The following TCP11 variants were observed in gnomAD, a reference collection of about 807,000 sequenced individuals.
TCP11 encodes the protein T-complex protein 11 homolog.
TCP11 carries 34 observed loss-of-function variants against 45.0 expected under a neutral mutation model. That is an observed-to-expected ratio of 0.76 (90% CI 0.57 to 1.01). The LOEUF (loss-of-function observed/expected upper bound fraction) is 1.01, where lower values mean the gene tolerates loss of function less well. Among genes scored for constraint, TCP11 ranks in the 50% least tolerant of loss-of-function variants. The pLI, the probability that TCP11 is intolerant of heterozygous loss-of-function variation, is 0.00. For synonymous variants in TCP11, 227 were observed against 227.0 expected (o/e 1.00, Z 0.00); for missense variants, 523 against 598.1 (o/e 0.87, Z 1.31).
At position 35,118,519 on chromosome 6, in the gene TCP11, C is replaced by T. The variant is rs956877945; in HGVS notation, c.1280-18G>A. ...CCGCTGATCTGTGAGCAGGAAAAGA[C>T]ACTGATAAGGGAAAAGGCAAACAGA... is the stretch of plus-strand genomic sequence containing the variant. On this transcript the variant is annotated intron_variant, in intron 9 of 9. Transcript: ENST00000311875. 4 of 1,608,288 alleles carry T rather than the reference C, an allele frequency of 2.5e-6. No individual in the cohort carries two copies. The highest frequency in any genetic ancestry group is 3.4e-6 in the Non-Finnish European group (4 of 1,176,438).
rs755782847 is a variant in TCP11, at chr6:35,140,789, G to T, written c.82C>A (p.Pro28Thr). The change falls in exon 2 of 10, where the codon CCC becomes ACC. Residue 28 changes from proline to threonine, a missense_variant. Physicochemically the swap from Pro to Thr is conservative, Grantham distance 38 (BLOSUM62 -1). This residue lies in a region of TCP11 where 225 missense variants were observed against 210.2 expected (regional missense o/e 1.07). Transcript: ENST00000311875. ...GRSCKPETSG[P>T]PQEDKSGSED... ...GAGCCGCTCTTGTCTTCCTGGGGGG[G>T]TCCTGAGGTTTCGGGCTTACAGGAC... is the stretch of plus-strand genomic sequence containing the variant. 7 of 1,535,458 alleles carry T rather than the reference G, an allele frequency of 4.6e-6. No individual in the cohort carries two copies. The highest frequency in any genetic ancestry group is 2.3e-5 in the East Asian group (1 of 44,334).
rs1778941962 is a variant in TCP11, at chr6:35,119,080, A to G, written c.1279+148T>C. ...ACAGTTAGTCTTTAAACTGAGACGG[A>G]TATGATTTCAACCCAGCATTTTGAA... On this transcript the variant is annotated intron_variant, in intron 9 of 9. Transcript: ENST00000311875. 3 of 1,020,150 alleles carry G rather than the reference A, an allele frequency of 2.9e-6. No individual in the cohort carries two copies. The Admixed American group carries it at 6.8e-5, about 23-fold the overall frequency. 63.2% of individuals were successfully genotyped at this position (1,020,150 alleles called of 1,614,324 possible).
At position 35,119,500 on chromosome 6, in the gene TCP11, G is replaced by A. The variant is rs1581795406; in HGVS notation, c.1116-109C>T. ...CAGGCCCACTTGAGGGAGAATGTCA[G>A]CCACCCTCTCCACCCCTAAACCCCA... is the stretch of plus-strand genomic sequence containing the variant. On this transcript the variant is annotated intron_variant, in intron 8 of 9. Transcript: ENST00000311875. 3.7e-6 allele frequency: 5 copies of A among 1,366,382 alleles called. No homozygotes were observed. In the Admixed American group the frequency reaches 6.3e-5, roughly 17 times the overall value. The allele number at this position is 1,366,382 out of a possible 1,614,324, so 84.6% of individuals were successfully genotyped here.
rs1235408105 is a variant in TCP11 at position 35,138,713 on chromosome 6, C to T, written c.124+2034G>A. On this transcript the variant is annotated intron_variant, in intron 2 of 9. Transcript: ENST00000311875. Reference sequence around the variant, plus strand: ...TGTAGTCAACAATAATTTAGTTGCACATTTTAAAATAACTAAAAGAGTATA... The same window carrying T: ...TGTAGTCAACAATAATTTAGTTGCATATTTTAAAATAACTAAAAGAGTATA... Among the ~76,000 whole-genome samples, 2 of 151,990 alleles carry T rather than the reference C, an allele frequency of 1.3e-5. 1 individual carries two copies. The highest frequency in any genetic ancestry group is 2.9e-5 in the Non-Finnish European group (2 of 68,004).
intron 2 of TCP11, among the ~76,000 whole-genome samples, chr6:35,136,548 A>C (rs1781138537): frequency 8.2e-6 from 1 of 121,736 alleles, no homozygotes. Flanking sequence ...TGCAAAAATA[A>C]ACATTCATCT....
At chr6:35,130,943 C>T (rs1404387855) in intron 3 of TCP11, among the ~76,000 whole-genome samples, 2 of 152,068 alleles carry the variant, frequency 1.3e-5, no homozygotes, top group African/African-American at 4.8e-5. Context: ...TCATAAGTGC[C>T]AAAACTTAGA....
In TCP11 at chr6:35,128,630, C is replaced by G. The variant is rs567825724; in HGVS notation, c.357+432G>C. ...CTTTTATTCCCGGTTCTGGTATGTT[C>G]ACTCAGCAGGCTCCTGCAGTACTTG... On this transcript the variant is annotated intron_variant, in intron 4 of 9. Transcript: ENST00000311875. The G allele has an allele frequency of 5.2e-5, 8 of 154,478 alleles. No individual in the cohort carries two copies. In the South Asian group the frequency reaches 1.4e-3, roughly 27 times the overall value. The allele number at this position is 154,478 out of a possible 1,614,324, so 9.6% of individuals were successfully genotyped here. A position where few individuals can be genotyped will look rare whatever the true frequency, so the allele number is the denominator to read the frequency against.
chr6:35,120,693 C>CT lies in TCP11; in HGVS notation c.716-48dup. The CT allele has an allele frequency of 5.8e-6, 9 of 1,563,010 alleles. No homozygotes were observed. The highest frequency in any genetic ancestry group is 7.8e-6 in the Non-Finnish European group (9 of 1,148,282). On this transcript the variant is annotated intron_variant, in intron 6 of 9. Coordinates refer to ENST00000311875, the MANE Select transcript of TCP11 (RefSeq NM_001370687.1). The surrounding 1 kb of genome is among the most constrained non-coding windows in gnomAD (Gnocchi z 4.9). ...GTAAGCATCTTTAGCATCTTCATCT[C>CT]TGAGGCTTCAAGACCAAGGTTCTTT...
At chr6:35,140,146 T>C in intron 2 of TCP11, 1 of 1,610,322 alleles carries the variant, frequency 6.2e-7, no homozygotes. Flanking sequence ...AATCTAATTT[T>C]TCGCATTTCA....
intron 5 of TCP11, among the ~76,000 whole-genome samples, chr6:35,121,902 AG>A (rs539088096): frequency 0.01 from 1,531 of 152,184 alleles, 10 homozygotes; most frequent in Middle Eastern, 0.02. Context: ...GGTATTACAG[AG>A]GGGGGGCCCA....
chr6:35,118,178 C>T lies in TCP11; in HGVS notation c.*91G>A, dbSNP rs1778826930. The T allele has an allele frequency of 9.1e-7, 1 of 1,097,228 alleles. No homozygotes were observed. The highest frequency in any genetic ancestry group is 1.4e-6 in the Non-Finnish European group (1 of 730,066). The allele number at this position is 1,097,228 out of a possible 1,614,324, so 68.0% of individuals were successfully genotyped here. A position where few individuals can be genotyped will look rare whatever the true frequency, so the allele number is the denominator to read the frequency against. On this transcript the variant is annotated 3_prime_UTR_variant, in exon 10 of 10. Coordinates refer to ENST00000311875, the MANE Select transcript of TCP11 (RefSeq NM_001370687.1). The stretch of plus-strand genomic sequence containing the variant: ...CTGGCTGCAGGGCCTGGGATAGAAG[C>T]TCACTGTCTGCTGGTCACTGGTGAT...
intron 2 of TCP11, chr6:35,140,252 A>ACT: frequency 6.8e-7 from 1 of 1,480,344 alleles, no homozygotes; most frequent in Non-Finnish European, 9.0e-7. Flanking sequence ...ATACAGCATG[A>ACT]GTCCCAGTGA....
In TCP11 at chr6:35,119,335, C is replaced by CT; in HGVS notation, c.1171dup (p.Ser391LysfsTer13). The CT allele has an allele frequency of 1.2e-6, 2 of 1,614,196 alleles. No homozygotes were observed. Among genetic ancestry groups the CT allele is most frequent in the Non-Finnish European group, 1.7e-6 (2 of 1,180,040 alleles). ...AGCAACAAGGCCCATATTCTTGAGG[C>CT]TTTGATGGATTTCCTGAGATACCTG... On this transcript the variant is annotated frameshift_variant, in exon 9 of 10. Transcript: ENST00000311875. LOFTEE classifies it high-confidence loss of function.
chr6:35,128,823 T>C (rs934183280), intron 4 of TCP11: 35 of 461,268 alleles, frequency 7.6e-5, no homozygotes, highest in African/African-American at 5.6e-4. Flanking sequence ...TTTTATCTGA[T>C]ATTCAAGGAT....
chr6:35,134,984 C>A (rs993357500), intron 3 of TCP11, among the ~76,000 whole-genome samples: 1 of 152,016 alleles, frequency 6.6e-6, no homozygotes, highest in African/African-American at 2.4e-5. Flanking sequence ...CCCATCTCCA[C>A]TAAAAATACA....
Position 35,118,421 on chromosome 6 carries a change from T to A in TCP11, c.1360A>T (p.Thr454Ser), listed in dbSNP as rs1421789485. The A allele has an allele frequency of 6.2e-7, 1 of 1,613,724 alleles. No individual in the cohort carries two copies. The highest frequency in any genetic ancestry group is 1.3e-5 in the African/African-American group (1 of 74,770). Residue 454 changes from threonine (T) to serine (S), a missense_variant, in exon 10 of 10, where the codon ACT becomes TCT. Thr to Ser is a moderately conservative substitution (Grantham distance 58, BLOSUM62 1). Transcript: ENST00000311875. ...TCTGCCAGTTCTGCTTCAATGAGAG[T>A]AAGGCCTCCAGGAAGGTCTAATAGA... Reference protein sequence around the residue: ...RSLLDLPGGLTLIEAELAELG... With the variant: ...RSLLDLPGGLSLIEAELAELG...
chr6:35,131,946 T>C (rs1364262390), intron 3 of TCP11, among the ~76,000 whole-genome samples: 1 of 152,206 alleles, frequency 6.6e-6, no homozygotes, highest in Non-Finnish European at 1.5e-5. Context: ...TCCCTGCCTC[T>C]AGTCTTGTTC....
chr6:35,119,442 G>A, intron 8 of TCP11, 51 bp from the exon 9 acceptor site: 1 of 1,591,252 alleles, frequency 6.3e-7, no homozygotes. Flanking sequence ...CCCTGGCATA[G>A]GCCCAGGGCC....
intron 2 of TCP11, chr6:35,140,218 T>TA: frequency 6.6e-7 from 1 of 1,521,036 alleles, no homozygotes; most frequent in Non-Finnish European, 8.8e-7. Flanking sequence ...GATGACTAGT[T>TA]ACGTTCTCTG....
Sources: allele counts gnomAD v4.1 joint callset (sites outside exome capture counted in the v4.1 genomes callset), GRCh38; gene constraint gnomAD v4.1.1; regional missense constraint gnomAD v4.1.1; non-coding constraint Gnocchi (gnomAD v3.1); transcripts MANE v1.5; gene names NCBI Gene and HGNC (gene_info 2026-07-23, HGNC 2026-07-21).